The following CDH4 variants were observed in gnomAD, a reference collection of about 807,000 sequenced individuals.
CDH4 encodes cadherin 4.
CDH4 carries 33 observed loss-of-function variants against 86.0 expected under a neutral mutation model. The ratio of observed to expected loss-of-function variants is 0.38; its 90% CI spans 0.29 to 0.51. The LOEUF (loss-of-function observed/expected upper bound fraction) is 0.51, where lower values mean the gene tolerates loss of function less well. Among genes scored for constraint, CDH4 ranks in the 20% least tolerant of loss-of-function variants. CDH4 has a pLI of 0.86. For missense variants in CDH4, 1,114 were observed against 1,307.4 expected, an observed-to-expected ratio of 0.85 and a Z score of 2.28; for synonymous variants, 555 against 549.4, an observed-to-expected ratio of 1.01 and a Z score of -0.14.
chr20:61,618,281 G>T (rs971850674), intron 2 of CDH4, among the ~76,000 whole-genome samples: 1 of 152,066 alleles, frequency 6.6e-6, no homozygotes, highest in African/African-American at 2.4e-5. Context: ...GTGAGAAAGG[G>T]GTTCACTGAG....
At chr20:61,686,835 T>G (rs534502979) in intron 2 of CDH4, among the ~76,000 whole-genome samples, 122 of 152,302 alleles carry the variant, frequency 8.0e-4, no homozygotes, top group African/African-American at 2.8e-3. Flanking sequence ...GTGCAGGGTT[T>G]GTTAGGTTTT....
At position 61,879,920 on chromosome 20, in the gene CDH4, C is replaced by T. The variant is rs1380747081; in HGVS notation, c.1050+6020C>T. On this transcript the variant is annotated intron_variant, in intron 7 of 15. Transcript: ENST00000614565. The surrounding 1 kb of genome is among the most constrained non-coding windows in gnomAD (Gnocchi z 4.1). Reference sequence around the variant, plus strand: ...ACTATCACCTGGTCACCTCCATCAGCTTGAAATTTCTTCCCAAACAAGGGG... The same window carrying T: ...ACTATCACCTGGTCACCTCCATCAGTTTGAAATTTCTTCCCAAACAAGGGG... 6.6e-6 allele frequency among the ~76,000 whole-genome samples: 1 copy of T among 152,150 alleles called. No homozygotes were observed. Among genetic ancestry groups the T allele is most frequent in the Admixed American group, 6.5e-5 (1 of 15,274 alleles).
At chr20:61,565,426 T>C (rs1437973108) in intron 2 of CDH4, among the ~76,000 whole-genome samples, 1 of 143,436 alleles carries the variant, frequency 7.0e-6, no homozygotes, top group Non-Finnish European at 1.5e-5. Flanking sequence ...CTATTGTTGT[T>C]GCTGTTCTCT....
chr20:61,447,227 G>C (rs1283983294), intron 2 of CDH4, among the ~76,000 whole-genome samples: 1 of 151,964 alleles, frequency 6.6e-6, no homozygotes, highest in East Asian at 1.9e-4. Flanking sequence ...TGCGATCTCA[G>C]CTCACTGCAA....
intron 4 of CDH4, among the ~76,000 whole-genome samples, chr20:61,840,720 T>C (rs2146095812): frequency 6.6e-6 from 1 of 152,340 alleles, no homozygotes; most frequent in African/African-American, 2.4e-5. Flanking sequence ...CAGACACAAA[T>C]CAAGTGGAAA....
chr20:61,685,922 C>T (rs2087568628), intron 2 of CDH4, among the ~76,000 whole-genome samples: 1 of 152,352 alleles, frequency 6.6e-6, no homozygotes, highest in African/African-American at 2.4e-5. Context: ...TTCCAGATGG[C>T]GGAGTTCTGG....
At chr20:61,397,323 AG>A (rs1416630438) in intron 2 of CDH4, among the ~76,000 whole-genome samples, 10 of 152,082 alleles carry the variant, frequency 6.6e-5, no homozygotes, top group African/African-American at 2.4e-4. Context: ...CAGCTGCAGG[AG>A]GGGGTCCTGG....
At chr20:61,296,003 G>T (rs2084349887) in intron 2 of CDH4, among the ~76,000 whole-genome samples, 1 of 152,170 alleles carries the variant, frequency 6.6e-6, no homozygotes, top group Admixed American at 6.5e-5. Flanking sequence ...GCAGGAGGTG[G>T]TTTTCAGGAG....
rs751381854 is a variant in CDH4, at chr20:61,934,062, G to A, written c.2386G>A (p.Asp796Asn). The A allele has an allele frequency of 6.8e-6, 11 of 1,610,746 alleles. No homozygotes were observed. Among genetic ancestry groups the A allele is most frequent in the African/African-American group, 6.7e-5 (5 of 74,864 alleles). Reference protein sequence around the residue: ...EGGGEEDQDYDLSQLQQPEAM... With the variant: ...EGGGEEDQDYNLSQLQQPEAM... ...TCCCGGCTCCCTCCCCCAGGACTAC[G>A]ACCTCAGCCAGCTGCAGCAGCCGGA... The change falls in exon 15 of 16, where the codon GAC becomes AAC. Residue 796 changes from aspartate to asparagine, a missense_variant. Physicochemically the swap from Asp to Asn is conservative, Grantham distance 23. Transcript: ENST00000614565.
chr20:61,870,590 A>C (rs1484760687), intron 6 of CDH4, among the ~76,000 whole-genome samples: 1 of 152,122 alleles, frequency 6.6e-6, no homozygotes, highest in East Asian at 1.9e-4. Flanking sequence ...TGCGACAGGC[A>C]TGTGGATCCT....
intron 2 of CDH4, among the ~76,000 whole-genome samples, chr20:61,740,030 A>G (rs1264053707): frequency 6.6e-6 from 1 of 152,224 alleles, no homozygotes; most frequent in Non-Finnish European, 1.5e-5. Context: ...CCTGGAATGC[A>G]TTTAACCTTG....
In CDH4 at chr20:61,784,323, T is replaced by G. The variant is rs867689324; in HGVS notation, c.576+11141T>G. 8.1e-4 allele frequency among the ~76,000 whole-genome samples: 11 copies of G among 13,628 alleles called. 2 individuals are homozygous for G. The South Asian group carries it at 0.017, about 21-fold the overall frequency. The allele number at this position is 13,628 out of a possible 152,430, so 8.9% of individuals were successfully genotyped here. On this transcript the variant is annotated intron_variant, in intron 4 of 15. Transcript: ENST00000614565. ...TCTTGTGCCCCCAAGAGAAATGTAA[T>G]CCCAGTTCCTCGGGACAGTTCTCAA...
intron 3 of CDH4, among the ~76,000 whole-genome samples, chr20:61,746,167 C>G (rs551688005): frequency 7.2e-5 from 11 of 152,072 alleles, no homozygotes; most frequent in Non-Finnish European, 1.5e-4. Flanking sequence ...ATGTCGTTTT[C>G]GTACTTTCCT....
rs2086062459 is a variant in CDH4 at position 61,544,422 on chromosome 20, G to A, written c.170-199141G>A. Reference sequence around the variant, plus strand: ...AGGAGAGAGGGGTGGGACTCCTGGTGTTCACTTCGTAGCTGTTCTGTGGTG... The same window carrying A: ...AGGAGAGAGGGGTGGGACTCCTGGTATTCACTTCGTAGCTGTTCTGTGGTG... On this transcript the variant is annotated intron_variant, in intron 2 of 15. Transcript: ENST00000614565. This position sits in a 1 kb window ranked among gnomAD's most constrained non-coding sequence, Gnocchi z 6.5. Among the ~76,000 whole-genome samples, 5 of 151,966 alleles carry A rather than the reference G, an allele frequency of 3.3e-5. No homozygotes were observed. Among genetic ancestry groups the A allele is most frequent in the Admixed American group, 3.3e-4 (5 of 15,256 alleles).
chr20:61,264,632 T>C (rs1434445684), intron 2 of CDH4, among the ~76,000 whole-genome samples: 10 of 140,066 alleles, frequency 7.1e-5, no homozygotes, highest in South Asian at 2.4e-4. Context: ...ATCTCAGTGG[T>C]TCCTTCATTC....
chr20:61,651,361 C>T (rs918858007), intron 2 of CDH4, among the ~76,000 whole-genome samples: 2 of 152,244 alleles, frequency 1.3e-5, no homozygotes, highest in African/African-American at 4.8e-5. Context: ...TTGCTCAGGT[C>T]ACCCAAAGGC....
rs2055086507 is a variant in CDH4 at position 61,929,797 on chromosome 20, A to G, written c.2194A>G (p.Thr732Ala). The change falls in exon 13 of 16, where the codon ACC becomes GCC. Residue 732 changes from threonine to alanine, a missense_variant. Coordinates refer to ENST00000614565, the MANE Select transcript of CDH4 (RefSeq NM_001794.5). ...IGAVAAAGLGTGAIVAILICI... is the reference protein window; with the variant it reads ...IGAVAAAGLGAGAIVAILICI... ...CGCAGTGGCAGCGGCTGGTCTGGGC[A>G]CCGGTGCCATCGTGGCCATCCTCAT... is the stretch of plus-strand genomic sequence containing the variant. 1 of 1,613,992 alleles carries G rather than the reference A, an allele frequency of 6.2e-7. No homozygotes were observed. The highest frequency in any genetic ancestry group is 1.1e-5 in the South Asian group (1 of 91,084).
At chr20:61,921,389 G>GT (rs2054981671) in intron 9 of CDH4, among the ~76,000 whole-genome samples, 1 of 152,260 alleles carries the variant, frequency 6.6e-6, no homozygotes, top group African/African-American at 2.4e-5. Flanking sequence ...TTTTGCAGGA[G>GT]TACGTTTTTT....
chr20:61,444,350 TGTATATTTTTGTGTTTCTGCA>T (rs1439184627), intron 2 of CDH4, among the ~76,000 whole-genome samples: 8 of 145,480 alleles, frequency 5.5e-5, no homozygotes, highest in East Asian at 2.1e-4. Context: ...TGTGTGTCTG[TGTATATTTTTGTGTTTCTGCA>T]TGTGTGTGTC....
Sources: allele counts gnomAD v4.1 joint callset (sites outside exome capture counted in the v4.1 genomes callset), GRCh38; gene constraint gnomAD v4.1.1; non-coding constraint Gnocchi (gnomAD v3.1); transcripts MANE v1.5; gene names NCBI Gene and HGNC (gene_info 2026-07-23, HGNC 2026-07-21).